MEIS2: variants seen among roughly 807,000 people sequenced by gnomAD.
MEIS2 encodes the protein homeobox protein Meis2.
In MEIS2, 9 loss-of-function variants were observed where a neutral mutation model predicts 58.6. The observed-to-expected ratio is 0.15, with a 90% confidence interval of 0.09 to 0.27. MEIS2 has a LOEUF of 0.27. Among genes scored for constraint, MEIS2 ranks in the 10% least tolerant of loss-of-function variants. The pLI, the probability that MEIS2 is intolerant of heterozygous loss-of-function variation, is 1.00. For missense variants in MEIS2, 427 were observed against 635.0 expected (o/e 0.67, Z 3.52); for synonymous variants, 221 against 228.4 (o/e 0.97, Z 0.29).
intron 8 of MEIS2, among the ~76,000 whole-genome samples, chr15:37,005,642 A>C (rs1390470443): frequency 6.6e-6 from 1 of 152,152 alleles, no homozygotes; most frequent in Non-Finnish European, 1.5e-5. Context: ...TGCTCACTGC[A>C]GCCTCCGGGC....
rs750278529 is a variant in MEIS2 at position 36,896,581 on chromosome 15, G to A, written c.1036+47C>T. 9 of 1,446,804 alleles carry A rather than the reference G, an allele frequency of 6.2e-6. No homozygotes were observed. The South Asian group carries it at 8.8e-5, about 14-fold the overall frequency. 89.6% of individuals were successfully genotyped at this position (1,446,804 alleles called of 1,614,324 possible). A position where few individuals can be genotyped will look rare whatever the true frequency, so the allele number is the denominator to read the frequency against. ...AAACTACTGGAGTATAACTTGATGAGGATTTGTGCCTGTGGGACATAAATA... is the reference window on the plus strand; with the variant it reads ...AAACTACTGGAGTATAACTTGATGAAGATTTGTGCCTGTGGGACATAAATA... On this transcript the variant is annotated intron_variant, in intron 10 of 11. Coordinates refer to ENST00000561208, the MANE Select transcript of MEIS2 (RefSeq NM_170675.5).
chr15:36,998,778 C>T (rs978978510), intron 8 of MEIS2, among the ~76,000 whole-genome samples: 3 of 152,130 alleles, frequency 2.0e-5, no homozygotes, highest in Non-Finnish European at 4.4e-5. Context: ...TTCCGTATTA[C>T]GCCAAACGTT....
chr15:36,965,691 T>G (rs1224938747), intron 8 of MEIS2, among the ~76,000 whole-genome samples: 2 of 152,110 alleles, frequency 1.3e-5, no homozygotes, highest in African/African-American at 4.8e-5. Context: ...TTAGGAAAAT[T>G]TCATGGAGCA....
intron 11 of MEIS2, among the ~76,000 whole-genome samples, chr15:36,893,934 T>C (rs984795596): frequency 6.6e-6 from 1 of 152,220 alleles, no homozygotes. Flanking sequence ...TTTTATGCTC[T>C]GGTGTCTTCA....
intron 7 of MEIS2, among the ~76,000 whole-genome samples, chr15:37,074,415 C>T (rs1891104694): frequency 6.6e-6 from 1 of 151,898 alleles, no homozygotes. Flanking sequence ...TGTTATACCC[C>T]AGATGAAAAG....
rs575611485 is a variant in MEIS2, at chr15:37,033,367, C to T, written c.900+3447G>A. Among the ~76,000 whole-genome samples, 62 of 152,268 alleles carry T rather than the reference C, an allele frequency of 4.1e-4. 1 individual carries two copies. The South Asian group carries it at 8.1e-3, about 20-fold the overall frequency. Reference sequence around the variant, plus strand: ...ATTCAGGGGGCAAAGCCTTGGCAGCCCCCTTCTTTAAGAACACATCCTGAG... The same window carrying T: ...ATTCAGGGGGCAAAGCCTTGGCAGCTCCCTTCTTTAAGAACACATCCTGAG... On this transcript the variant is annotated intron_variant, in intron 8 of 11. Coordinates refer to ENST00000561208, the MANE Select transcript of MEIS2 (RefSeq NM_170675.5).
intron 8 of MEIS2, among the ~76,000 whole-genome samples, chr15:37,001,517 G>T (rs2060726229): frequency 1.3e-5 from 2 of 152,052 alleles, no homozygotes. Flanking sequence ...CAGTATGTTG[G>T]ATTGCTTCCC....
chr15:36,968,756 A>G (rs1014732762), intron 8 of MEIS2, among the ~76,000 whole-genome samples: 1 of 152,232 alleles, frequency 6.6e-6, no homozygotes, highest in Non-Finnish European at 1.5e-5. Flanking sequence ...CACTTCATTT[A>G]TATTATTCAT....
intron 8 of MEIS2, among the ~76,000 whole-genome samples, chr15:36,961,530 T>A (rs1023378861): frequency 6.6e-6 from 1 of 152,074 alleles, no homozygotes; most frequent in African/African-American, 2.4e-5. Flanking sequence ...TAAAAGAAAG[T>A]ACAGACATAA....
chr15:36,960,412 G>A (rs2059141733), intron 8 of MEIS2, among the ~76,000 whole-genome samples: 1 of 152,068 alleles, frequency 6.6e-6, no homozygotes, highest in African/African-American at 2.4e-5. Flanking sequence ...GACTTCTTGT[G>A]ATAGACAGGA....
intron 8 of MEIS2, chr15:36,972,884 C>G (rs1426076349): frequency 6.6e-6 from 1 of 152,160 alleles, no homozygotes; most frequent in South Asian, 2.1e-4. Context: ...GTCTACACAT[C>G]TGTTGAAACT....
At chr15:36,956,617 C>T (rs1052885938) in intron 8 of MEIS2, among the ~76,000 whole-genome samples, 3 of 151,862 alleles carry the variant, frequency 2.0e-5, no homozygotes, top group African/African-American at 7.3e-5. Context: ...AAAATGTGTG[C>T]CTGGAGTTAC....
intron 6 of MEIS2, among the ~76,000 whole-genome samples, chr15:37,086,382 T>G (rs1892883065): frequency 6.6e-6 from 1 of 152,224 alleles, no homozygotes; most frequent in Non-Finnish European, 1.5e-5. Flanking sequence ...CGTTTATAAT[T>G]CAGTGTATTT....
At chr15:36,952,664 C>CGA (rs901450140) in intron 8 of MEIS2, among the ~76,000 whole-genome samples, 5 of 136,764 alleles carry the variant, frequency 3.7e-5, no homozygotes, top group Non-Finnish European at 8.0e-5. Flanking sequence ...TGTGTTTAAG[C>CGA]GAGAGAGAGA....
chr15:36,934,167 A>G (rs2058080517), intron 9 of MEIS2, among the ~76,000 whole-genome samples: 3 of 152,298 alleles, frequency 2.0e-5, no homozygotes, highest in African/African-American at 7.2e-5. Flanking sequence ...ATTTTTCTGC[A>G]TGACTAGAGC....
At chr15:36,961,888 T>C (rs1023303784) in intron 8 of MEIS2, among the ~76,000 whole-genome samples, 8 of 152,210 alleles carry the variant, frequency 5.3e-5, no homozygotes, top group African/African-American at 1.7e-4. Flanking sequence ...TTCCTCCTGA[T>C]TTGTATATTA....
chr15:36,930,442 T>C (rs540584807), intron 9 of MEIS2, among the ~76,000 whole-genome samples: 1 of 152,276 alleles, frequency 6.6e-6, no homozygotes, highest in South Asian at 2.1e-4. Context: ...AGGCTCTTCC[T>C]TTATGCACTT....
chr15:36,939,129 T>C (rs1445139916), intron 9 of MEIS2, among the ~76,000 whole-genome samples: 1 of 152,188 alleles, frequency 6.6e-6, no homozygotes, highest in Non-Finnish European at 1.5e-5. Flanking sequence ...GATTCAAAAC[T>C]AACTTCCAAT....
At chr15:36,998,503 G>A (rs1042903595) in intron 8 of MEIS2, among the ~76,000 whole-genome samples, 2 of 152,068 alleles carry the variant, frequency 1.3e-5, no homozygotes, top group Admixed American at 1.3e-4. Flanking sequence ...TTACAGACAT[G>A]AGCCCCAGTG....
Sources: gnomAD v4.1 joint callset for allele counts (sites outside exome capture counted in the v4.1 genomes callset) on GRCh38, gnomAD v4.1.1 for gene constraint, MANE v1.5 for transcripts, NCBI Gene and HGNC (gene_info 2026-07-23, HGNC 2026-07-21) for gene names.